Variants in LARGE1 observed in about 807,000 individuals in gnomAD.
The protein encoded by LARGE1 is xylosyl- and glucuronyltransferase LARGE1.
A neutral mutation model predicts 87.6 loss-of-function variants in LARGE1; 43 were observed. That is an observed-to-expected ratio of 0.49 (90% CI 0.38 to 0.63). LARGE1 has a LOEUF of 0.63. Ranked by LOEUF, LARGE1 falls within the 30% of genes least tolerant of loss-of-function variation. The pLI is 0.00. For synonymous variants in LARGE1, 434 were observed against 394.6 expected, an observed-to-expected ratio of 1.10 and a Z score of -1.18; for missense variants, 802 against 1,000.2, an observed-to-expected ratio of 0.80 and a Z score of 2.67.
intron 7 of LARGE1, among the ~76,000 whole-genome samples, chr22:33,429,949 T>C (rs960459272): frequency 1.3e-5 from 2 of 152,148 alleles, no homozygotes; most frequent in Admixed American, 1.3e-4. Flanking sequence ...AGTGCCATGT[T>C]TAATCAGAGC....
intron 2 of LARGE1, among the ~76,000 whole-genome samples, chr22:33,711,257 G>A (rs895090381): frequency 2.6e-5 from 4 of 152,170 alleles, no homozygotes; most frequent in East Asian, 1.9e-4. Flanking sequence ...CTGCTGGAGC[G>A]AAGCGTCCAG....
chr22:33,777,653 G>A (rs2085286417), intron 1 of LARGE1, among the ~76,000 whole-genome samples: 1 of 117,554 alleles, frequency 8.5e-6, no homozygotes, highest in South Asian at 2.9e-4. Flanking sequence ...AGGGGGAGGG[G>A]GAGGGGGAGG....
intron 11 of LARGE1, among the ~76,000 whole-genome samples, chr22:33,196,047 C>T (rs1321823078): frequency 6.6e-6 from 1 of 150,490 alleles, no homozygotes; most frequent in Non-Finnish European, 1.5e-5. Context: ...TGTGAGCCAC[C>T]ACACCTGGCC....
At chr22:33,781,688 G>C (rs937968533) in intron 1 of LARGE1, among the ~76,000 whole-genome samples, 18 of 152,140 alleles carry the variant, frequency 1.2e-4, no homozygotes, top group African/African-American at 3.9e-4. Flanking sequence ...CACTCACCTA[G>C]CAAATAATAC....
At chr22:33,541,055 G>GGGC (rs1555951191) in intron 6 of LARGE1, among the ~76,000 whole-genome samples, 3 of 37,440 alleles carry the variant, frequency 8.0e-5, no homozygotes, top group Non-Finnish European at 1.6e-4. Context: ...GGTGGGTTGC[G>GGGC]GGGGGGGGGG....
chr22:33,920,511 G>C (rs1226103659), upstream of LARGE1: 4 of 145,626 alleles, frequency 2.7e-5, no homozygotes, highest in African/African-American at 9.8e-5. Context: ...CGGCGCGGGG[G>C]GGGCTGCAAC....
chr22:33,389,422 C>T (rs1432677137), intron 7 of LARGE1, among the ~76,000 whole-genome samples: 1 of 152,210 alleles, frequency 6.6e-6, no homozygotes, highest in African/African-American at 2.4e-5. Flanking sequence ...ATCCCCAAGG[C>T]CCAGGAGATG....
chr22:33,758,382 G>A (rs915289503), intron 2 of LARGE1, among the ~76,000 whole-genome samples: 7 of 152,152 alleles, frequency 4.6e-5, no homozygotes, highest in Non-Finnish European at 1.0e-4. Context: ...AAATACAAAT[G>A]CGGCAGCCCG....
intron 7 of LARGE1, among the ~76,000 whole-genome samples, chr22:33,397,680 G>C (rs2147277766): frequency 6.6e-6 from 1 of 152,292 alleles, no homozygotes; most frequent in South Asian, 2.1e-4. Flanking sequence ...ATGCATTTCT[G>C]TTGAGTACAT....
chr22:33,474,510 G>C (rs2148138886), intron 6 of LARGE1, among the ~76,000 whole-genome samples: 1 of 152,292 alleles, frequency 6.6e-6, no homozygotes, highest in East Asian at 1.9e-4. Flanking sequence ...GCTGTGCTTG[G>C]TGACAATGGT....
At chr22:33,270,176 A>G (rs369380342), downstream of LARGE1, among the ~76,000 whole-genome samples, 2 of 152,316 alleles carry the variant, frequency 1.3e-5, no homozygotes, top group South Asian at 2.1e-4. Context: ...AGTTTTGTTA[A>G]ATGAATGGAA....
intron 11 of LARGE1, among the ~76,000 whole-genome samples, chr22:33,197,549 T>G (rs1025525729): frequency 2.6e-5 from 4 of 151,976 alleles, no homozygotes; most frequent in Admixed American, 6.6e-5. Context: ...ACCAAAAACA[T>G]AAATGTAAAT....
chr22:33,825,688 G>A (rs1379733074), intron 1 of LARGE1, among the ~76,000 whole-genome samples: 1 of 152,156 alleles, frequency 6.6e-6, no homozygotes, highest in African/African-American at 2.4e-5. Context: ...CCATGACACT[G>A]GCGATTACAC....
chr22:33,726,756 G>A (rs929539470), intron 2 of LARGE1, among the ~76,000 whole-genome samples: 12 of 152,170 alleles, frequency 7.9e-5, no homozygotes, highest in African/African-American at 2.2e-4. Flanking sequence ...CTGCACAGAT[G>A]GGGCACTACA....
At chr22:33,560,739 T>C (rs956709097) in intron 6 of LARGE1, among the ~76,000 whole-genome samples, 5 of 152,138 alleles carry the variant, frequency 3.3e-5, no homozygotes, top group African/African-American at 7.2e-5. Flanking sequence ...GCCGTATGGA[T>C]TGGGGTTCAG....
intron 7 of LARGE1, among the ~76,000 whole-genome samples, chr22:33,404,298 A>G (rs1222691205): frequency 1.3e-5 from 2 of 152,354 alleles, no homozygotes; most frequent in African/African-American, 4.8e-5. Context: ...AAGGCCCTTA[A>G]GCCAGCTGAT....
At chr22:33,468,677 G>A (rs8141358) in intron 6 of LARGE1, among the ~76,000 whole-genome samples, 10 of 152,120 alleles carry the variant, frequency 6.6e-5, no homozygotes, top group South Asian at 2.1e-4. Context: ...ATTAATCCCC[G>A]TTTGTATGGA....
At chr22:33,501,972 C>A (rs1203273035) in intron 6 of LARGE1, among the ~76,000 whole-genome samples, 2 of 152,134 alleles carry the variant, frequency 1.3e-5, no homozygotes, top group African/African-American at 4.8e-5. Flanking sequence ...GCGGGCAGAT[C>A]ACCTGAGGTC....
the LARGE1 span, among the ~76,000 whole-genome samples, chr22:33,096,604 A>T: frequency 6.9e-6 from 1 of 143,970 alleles, no homozygotes; most frequent in Non-Finnish European, 1.5e-5. Flanking sequence ...TCGCTCTGTC[A>T]CCCAGGCTGC....
Sources: gnomAD v4.1 joint callset for allele counts (sites outside exome capture counted in the v4.1 genomes callset) on GRCh38, gnomAD v4.1.1 for gene constraint, MANE v1.5 for transcripts, NCBI Gene and HGNC (gene_info 2026-07-23, HGNC 2026-07-21) for gene names.